The following COL12A1 variants were observed in gnomAD, a reference collection of about 807,000 sequenced individuals.
COL12A1 encodes collagen alpha-1(XII) chain.
COL12A1 carries 114 observed loss-of-function variants against 349.7 expected under a neutral mutation model. That is an observed-to-expected ratio of 0.33 (90% CI 0.28 to 0.38). The LOEUF (loss-of-function observed/expected upper bound fraction) is 0.38. Ranked by LOEUF, COL12A1 falls within the 10% of genes least tolerant of loss-of-function variation. The probability of loss-of-function intolerance (pLI) is 1.00; values close to 1 mark genes in which losing one functional copy is unlikely to be tolerated. For missense variants in COL12A1, 3,284 were observed against 3,756.9 expected, an observed-to-expected ratio of 0.87 and a Z score of 3.29; for synonymous variants, 1,369 against 1,329.0, an observed-to-expected ratio of 1.03 and a Z score of -0.66.
intron 42 of COL12A1, 58 bp downstream of exon 42, chr6:75,123,890 C>T (rs558506325): frequency 1.3e-6 from 2 of 1,541,046 alleles, no homozygotes; most frequent in Middle Eastern, 1.7e-4. Context: ...GTCTTCCTTA[C>T]CTAGAGCATT....
intron 2 of COL12A1, among the ~76,000 whole-genome samples, chr6:75,197,444 C>A (rs934622335): frequency 6.6e-6 from 1 of 151,914 alleles, no homozygotes; most frequent in African/African-American, 2.4e-5. Context: ...TCCTGAGTAG[C>A]AAGGATTACA....
At chr6:75,118,083 G>A (rs140937691) in intron 46 of COL12A1, among the ~76,000 whole-genome samples, 10 of 152,106 alleles carry the variant, frequency 6.6e-5, no homozygotes, top group East Asian at 3.9e-4. Flanking sequence ...TTTTCACTCC[G>A]AAAGCTAAAT....
chr6:75,174,311 A>AC (rs1373976704), intron 13 of COL12A1, among the ~76,000 whole-genome samples: 13 of 152,092 alleles, frequency 8.5e-5, no homozygotes, highest in Non-Finnish European at 1.8e-4. Flanking sequence ...TAATCCCAGC[A>AC]TTTTGGTGGC....
intron 14 of COL12A1, among the ~76,000 whole-genome samples, chr6:75,164,028 G>A (rs1472491345): frequency 6.6e-6 from 1 of 152,082 alleles, no homozygotes; most frequent in African/African-American, 2.4e-5. Flanking sequence ...TTACAATACA[G>A]CTTCTCTTGA....
intron 65 of COL12A1, among the ~76,000 whole-genome samples, chr6:75,087,019 T>C (rs984158148): frequency 1.3e-5 from 2 of 152,060 alleles, no homozygotes; most frequent in Non-Finnish European, 2.9e-5. Flanking sequence ...TCCCACAAAA[T>C]CAAGTATAGG....
At chr6:75,106,550 T>G (rs895926442) in intron 52 of COL12A1, 54 bp from the exon 53 acceptor site, 1 of 1,508,806 alleles carries the variant, frequency 6.6e-7, no homozygotes, top group Admixed American at 1.7e-5. Flanking sequence ...ACATTTTATA[T>G]TGGCACTTCC....
chr6:75,190,090 C>G (rs1371427970), intron 5 of COL12A1, among the ~76,000 whole-genome samples: 1 of 151,958 alleles, frequency 6.6e-6, no homozygotes, highest in Non-Finnish European at 1.5e-5. Flanking sequence ...GATCTATAAT[C>G]TGCTCTCCGG....
At position 75,085,028 on chromosome 6, in the gene COL12A1, G is replaced by C; in HGVS notation, c.*1519C>G. 2 of 328,262 alleles carry C rather than the reference G, an allele frequency of 6.1e-6. No homozygotes were observed. Among genetic ancestry groups the C allele is most frequent in the Non-Finnish European group, 1.2e-5 (2 of 162,500 alleles). The allele number at this position is 328,262 out of a possible 1,614,324, so 20.3% of individuals were successfully genotyped here. On this transcript the variant is annotated 3_prime_UTR_variant, in exon 66 of 66. Coordinates refer to ENST00000322507, the MANE Select transcript of COL12A1 (RefSeq NM_004370.6). ...CTACAGACTGCGTGCTTGGAGCTAG[G>C]CTTCCTGCAGAAACAAGGTTCTCTA...
intron 13 of COL12A1, among the ~76,000 whole-genome samples, chr6:75,169,073 T>TG (rs1306005406): frequency 6.6e-6 from 1 of 152,142 alleles, no homozygotes; most frequent in South Asian, 2.1e-4. Context: ...CCCTCCATCT[T>TG]GTCTCGACAG....
At chr6:75,188,750 G>GA (rs1273411144) in intron 7 of COL12A1, among the ~76,000 whole-genome samples, 2 of 152,052 alleles carry the variant, frequency 1.3e-5, no homozygotes, top group African/African-American at 2.4e-5. Context: ...AGCCAAAGAG[G>GA]AAAAAAGTGG....
At chr6:75,093,753 T>G (rs1767879341) in intron 60 of COL12A1, among the ~76,000 whole-genome samples, 1 of 152,208 alleles carries the variant, frequency 6.6e-6, no homozygotes, top group African/African-American at 2.4e-5. Context: ...TTATTGGCAC[T>G]CTGAGATTGT....
At position 75,087,586 on chromosome 6, in the gene COL12A1, C is replaced by T. The variant is rs970547; in HGVS notation, c.9172G>A (p.Gly3058Ser). The T allele has an allele frequency of 0.76, 1,225,922 of 1,613,022 alleles. 468,079 individuals carry two copies. Among genetic ancestry groups the T allele is most frequent in the Admixed American group, 0.81 (48,528 of 59,888 alleles). Residue 3058 changes from glycine to serine, a missense_variant, in exon 65 of 66, where the codon GGC becomes AGC. Physicochemically the swap from Gly to Ser is moderately conservative, Grantham distance 56. Around this residue, in one of 2 missense-constraint regions of COL12A1, gnomAD observed 683 missense variants for 932.1 expected, o/e 0.73. Transcript: ENST00000322507. ...QCASIPYNGQ[G>S]YPGSG is the part of the protein sequence containing the mutation. ...AATGGCAACAACGTACCTGGATAGC[C>T]TTGCCCGTTGTATGGGATGCTGGCA...
At chr6:75,093,629 C>T (rs1049321732) in intron 60 of COL12A1, among the ~76,000 whole-genome samples, 1 of 152,126 alleles carries the variant, frequency 6.6e-6, no homozygotes, top group Non-Finnish European at 1.5e-5. Flanking sequence ...TTATCTATTT[C>T]TTTGCCAAAA....
In COL12A1 at chr6:75,154,544, T is replaced by C; in HGVS notation, c.3444-7A>G. On this transcript the variant is annotated splice_region_variant and splice_polypyrimidine_tract_variant and intron_variant, in intron 16 of 65. Coordinates refer to ENST00000322507, the MANE Select transcript of COL12A1 (RefSeq NM_004370.6). Reference sequence around the variant, plus strand: ...TTTATAGGTGGTACCAGCCCTAAAATGTTAAAGTATATATATAGCCTGTGA... The same window carrying C: ...TTTATAGGTGGTACCAGCCCTAAAACGTTAAAGTATATATATAGCCTGTGA... The C allele has an allele frequency of 1.9e-6, 3 of 1,607,128 alleles. No individual in the cohort carries two copies. The highest frequency in any genetic ancestry group is 1.1e-5 in the South Asian group (1 of 90,136).
At chr6:75,188,601 T>A in intron 7 of COL12A1, 66 bp from the exon 8 acceptor site, 2 of 1,525,606 alleles carry the variant, frequency 1.3e-6, no homozygotes, top group Non-Finnish European at 1.8e-6. Context: ...GAGAAGTTCT[T>A]CGTTTTCTCC....
At chr6:75,194,728 CT>C in intron 3 of COL12A1, 102 bp downstream of exon 3, 1 of 672,554 alleles carries the variant, frequency 1.5e-6, no homozygotes, top group South Asian at 3.0e-5. Flanking sequence ...ATCCCTCAGG[CT>C]TCCTAAAGCA....
At position 75,194,772 on chromosome 6, in the gene COL12A1, G is replaced by A. The variant is rs1770131842; in HGVS notation, c.190+59C>T. On this transcript the variant is annotated intron_variant, in intron 3 of 65. Coordinates refer to ENST00000322507, the MANE Select transcript of COL12A1 (RefSeq NM_004370.6). ...TTCATGATGAAAGGGGAGAAGAGGT[G>A]GAGATTGAGTTATATCATCATGATG... 6.7e-6 allele frequency: 7 copies of A among 1,049,482 alleles called. No homozygotes were observed. The South Asian group carries it at 1.1e-4, about 17-fold the overall frequency. The allele number at this position is 1,049,482 out of a possible 1,614,324, so 65.0% of individuals were successfully genotyped here. A position where few individuals can be genotyped will look rare whatever the true frequency, so the allele number is the denominator to read the frequency against.
chr6:75,122,056 A>T (rs1414274547), intron 43 of COL12A1, among the ~76,000 whole-genome samples: 1 of 151,934 alleles, frequency 6.6e-6, no homozygotes, highest in Non-Finnish European at 1.5e-5. Context: ...GACGGGTTTA[A>T]CCATGTTGGC....
intron 14 of COL12A1, 89 bp downstream of exon 14, chr6:75,165,418 C>T: frequency 1.3e-6 from 2 of 1,481,792 alleles, no homozygotes; most frequent in Non-Finnish European, 1.8e-6. Flanking sequence ...AAAGAAAAAA[C>T]ATTCAAGTGA....
Sources: gnomAD v4.1 joint callset for allele counts (sites outside exome capture counted in the v4.1 genomes callset) on GRCh38, gnomAD v4.1.1 for gene constraint, gnomAD v4.1.1 regional missense constraint, MANE v1.5 for transcripts, NCBI Gene and HGNC (gene_info 2026-07-23, HGNC 2026-07-21) for gene names.